The following ACTR3 variants were observed in gnomAD, a reference collection of about 807,000 sequenced individuals.
ACTR3 encodes actin-related protein 3.
ACTR3 carries 12 observed loss-of-function variants against 56.8 expected under a neutral mutation model. The observed-to-expected ratio is 0.21, with a 90% CI of 0.14 to 0.34. The LOEUF (loss-of-function observed/expected upper bound fraction) is 0.34. ACTR3 is among the 10% of genes least tolerant of loss of function. The probability of loss-of-function intolerance (pLI) is 1.00; values close to 1 mark genes in which losing one functional copy is unlikely to be tolerated. For synonymous variants in ACTR3, 162 were observed against 167.4 expected (o/e 0.97, Z 0.25); for missense variants, 282 against 512.5 (o/e 0.55, Z 4.34).
chr2:113,944,451 AT>A (rs1222992170), intron 8 of ACTR3, among the ~76,000 whole-genome samples: 1 of 151,822 alleles, frequency 6.6e-6, no homozygotes, highest in African/African-American at 2.4e-5. Flanking sequence ...CATAGTTTTA[AT>A]TTTTTTATGA....
Position 113,955,673 on chromosome 2 carries a change from A to G in ACTR3, c.1128A>G (p.Ala376=), listed in dbSNP as rs1680196830. The G allele has an allele frequency of 1.2e-6, 2 of 1,613,492 alleles. No individual in the cohort carries two copies. The highest frequency in any genetic ancestry group is 1.7e-6 in the Non-Finnish European group (2 of 1,179,524). Residue 376 remains alanine, a synonymous_variant, in exon 11 of 12, where the codon GCA becomes GCG. Coordinates refer to ENST00000263238, the MANE Select transcript of ACTR3 (RefSeq NM_005721.5). ...QVITHHMQRY[A]VWFGGSMLAS... is the part of the protein sequence containing the mutation. ...TTACACACCACATGCAGCGATATGC[A>G]GTTTGGTTTGGAGGATCAATGCTGG...
rs2104573681 is a variant in ACTR3 at position 113,890,122 on chromosome 2, T to G, written c.-158T>G. The G allele has an allele frequency of 1.1e-6, 1 of 878,024 alleles. No individual in the cohort carries two copies. The highest frequency in any genetic ancestry group is 1.7e-5 in the African/African-American group (1 of 59,162). 54.4% of individuals were successfully genotyped at this position (878,024 alleles called of 1,614,324 possible). On this transcript the variant is annotated 5_prime_UTR_variant, in exon 1 of 12. Coordinates refer to ENST00000263238, the MANE Select transcript of ACTR3 (RefSeq NM_005721.5). ...AGTGATAGCCGCCGACCGAGCCTGC[T>G]GCTTTCTTGCTACTGCTTCGGCTTC...
chr2:113,931,242 CAAGA>C (rs1379807965), intron 4 of ACTR3, 55 bp from the exon 5 acceptor site: 1 of 1,069,238 alleles, frequency 9.4e-7, no homozygotes, highest in Non-Finnish European at 1.3e-6. Flanking sequence ...TAAAAATTGT[CAAGA>C]AAGTTATCAA....
At chr2:113,895,425 T>G (rs1286373479) in intron 1 of ACTR3, among the ~76,000 whole-genome samples, 1 of 152,188 alleles carries the variant, frequency 6.6e-6, no homozygotes, top group Non-Finnish European at 1.5e-5. Context: ...GGAATTCAAA[T>G]CTTTGTTGTA....
chr2:113,936,960 C>T (rs1679839172), intron 6 of ACTR3, among the ~76,000 whole-genome samples: 1 of 152,032 alleles, frequency 6.6e-6, no homozygotes, highest in Non-Finnish European at 1.5e-5. Context: ...GAAAGCAACC[C>T]TAATGAATTC....
chr2:113,915,583 A>G lies in ACTR3; in HGVS notation c.101-1301A>G, dbSNP rs898705334. ...CTTTTGTGTATAATCTTTTGTTGTG[A>G]TTGTATATTTCAGGAGACTACTAAA... is the stretch of plus-strand genomic sequence containing the variant. On this transcript the variant is annotated intron_variant, in intron 2 of 11. Transcript: ENST00000263238. 2.0e-4 allele frequency among the ~76,000 whole-genome samples: 30 copies of G among 152,100 alleles called. 1 individual carries two copies. Among genetic ancestry groups the G allele is most frequent in the Non-Finnish European group, 1.0e-4 (7 of 68,014 alleles).
At position 113,899,619 on chromosome 2, in the gene ACTR3, G is replaced by C. The variant is rs142614689; in HGVS notation, c.44+9296G>C. Among the ~76,000 whole-genome samples the C allele has an allele frequency of 2.4e-4, 36 of 152,316 alleles. No individual in the cohort carries two copies. In the East Asian group the frequency reaches 6.7e-3, roughly 29 times the overall value. On this transcript the variant is annotated intron_variant, in intron 1 of 11. Coordinates refer to ENST00000263238, the MANE Select transcript of ACTR3 (RefSeq NM_005721.5). ...GATGATTTATGAAGAAGCTGAACTT[G>C]ATCAGATCCTTGGAAAAGCATAAAT...
At chr2:113,918,991 A>G (rs1468021531) in intron 3 of ACTR3, among the ~76,000 whole-genome samples, 1 of 152,224 alleles carries the variant, frequency 6.6e-6, no homozygotes, top group African/African-American at 2.4e-5. Context: ...TCACATGTCA[A>G]AGAACAGAAA....
chr2:113,933,065 TAAAA>T (rs1213152804), intron 5 of ACTR3, among the ~76,000 whole-genome samples: 2 of 152,202 alleles, frequency 1.3e-5, no homozygotes, highest in Non-Finnish European at 2.9e-5. Context: ...TTCTCACACT[TAAAA>T]AAGAATTGTG....
intron 3 of ACTR3, among the ~76,000 whole-genome samples, chr2:113,922,972 C>G (rs982391349): frequency 6.6e-6 from 1 of 152,206 alleles, no homozygotes; most frequent in Non-Finnish European, 1.5e-5. Flanking sequence ...AAGATCTATA[C>G]TGTGGCCAAA....
intron 6 of ACTR3, among the ~76,000 whole-genome samples, chr2:113,938,712 T>G (rs1414334204): frequency 6.6e-6 from 1 of 152,198 alleles, no homozygotes; most frequent in Non-Finnish European, 1.5e-5. Flanking sequence ...GATGGTTTCC[T>G]CACAGGAGTG....
At chr2:113,929,300 A>T (rs1679676667) in intron 4 of ACTR3, among the ~76,000 whole-genome samples, 2 of 151,472 alleles carry the variant, frequency 1.3e-5, no homozygotes, top group African/African-American at 4.9e-5. Flanking sequence ...GGGCCACCAC[A>T]CCTGGGTAAT....
At chr2:113,927,660 A>G (rs1468471249) in intron 4 of ACTR3, among the ~76,000 whole-genome samples, 4 of 152,180 alleles carry the variant, frequency 2.6e-5, no homozygotes, top group Non-Finnish European at 4.4e-5. Flanking sequence ...TTAAACACTT[A>G]AGAAGTGCTT....
intron 1 of ACTR3, among the ~76,000 whole-genome samples, chr2:113,892,744 A>G (rs925894898): frequency 5.9e-5 from 9 of 152,198 alleles, no homozygotes; most frequent in African/African-American, 1.9e-4. Context: ...CTAAATTACA[A>G]TTACTCACTT....
Position 113,934,391 on chromosome 2 carries a change from G to T in ACTR3, c.540+5G>T. ...GTCACTCATGTCATTCCTGTGGTAA[G>T]GCTATTTTACAGTTACTGAACAGAA... On this transcript the variant is annotated splice_donor_5th_base_variant and intron_variant, in intron 6 of 11. Transcript: ENST00000263238. The T allele has an allele frequency of 6.4e-7, 1 of 1,553,304 alleles. No homozygotes were observed. The highest frequency in any genetic ancestry group is 8.7e-7 in the Non-Finnish European group (1 of 1,144,942).
intron 1 of ACTR3, among the ~76,000 whole-genome samples, chr2:113,902,280 C>A (rs940154662): frequency 6.6e-6 from 1 of 152,024 alleles, no homozygotes; most frequent in Non-Finnish European, 1.5e-5. Context: ...TACTATTATT[C>A]TTCTAGTCAC....
At chr2:113,895,327 A>G (rs1302198609) in intron 1 of ACTR3, among the ~76,000 whole-genome samples, 3 of 152,156 alleles carry the variant, frequency 2.0e-5, no homozygotes, top group Non-Finnish European at 2.9e-5. Context: ...CTTACCCAAG[A>G]TACTGTAGCA....
At chr2:113,890,022 A>T (rs1574342250), upstream of ACTR3, 10 of 541,408 alleles carry the variant, frequency 1.8e-5, no homozygotes, top group East Asian at 3.2e-4. Context: ...GGCAGGAGTG[A>T]GGAGGAGGGA....
At chr2:113,938,412 T>A (rs953834252) in intron 6 of ACTR3, among the ~76,000 whole-genome samples, 2 of 149,920 alleles carry the variant, frequency 1.3e-5, no homozygotes, top group Non-Finnish European at 2.9e-5. Flanking sequence ...TTGGAGTTCT[T>A]TATAAGTATT....
Sources: allele counts gnomAD v4.1 joint callset (sites outside exome capture counted in the v4.1 genomes callset), GRCh38; gene constraint gnomAD v4.1.1; transcripts MANE v1.5; gene names NCBI Gene and HGNC (gene_info 2026-07-23, HGNC 2026-07-21).